Variants in MEGF11 observed in about 807,000 individuals in gnomAD.
MEGF11 encodes multiple EGF like domains 11.
A neutral mutation model predicts 146.6 loss-of-function variants in MEGF11; 126 were observed. That is an observed-to-expected ratio of 0.86 (90% CI 0.74 to 1.00). MEGF11 has a LOEUF of 1.00. MEGF11 is among the 50% of genes least tolerant of loss of function. The pLI is 0.00. For synonymous variants in MEGF11, 532 were observed against 583.4 expected, an observed-to-expected ratio of 0.91 and a Z score of 1.27; for missense variants, 1,509 against 1,521.2, an observed-to-expected ratio of 0.99 and a Z score of 0.13.
intron 1 of MEGF11, among the ~76,000 whole-genome samples, chr15:66,242,580 G>T (rs2092231870): frequency 6.6e-6 from 1 of 152,038 alleles, no homozygotes; most frequent in Non-Finnish European, 1.5e-5. Flanking sequence ...GGAAAAGGAG[G>T]TCCAAAGATG....
At chr15:66,044,862 A>G (rs2084137557) in intron 5 of MEGF11, among the ~76,000 whole-genome samples, 1 of 149,646 alleles carries the variant, frequency 6.7e-6, no homozygotes, top group African/African-American at 2.5e-5. Flanking sequence ...AAAAAAAAAA[A>G]AAAAAAAAAA....
chr15:65,950,584 G>GACACACACACACACACACAC (rs57977250), intron 10 of MEGF11, among the ~76,000 whole-genome samples: 1 of 148,824 alleles, frequency 6.7e-6, no homozygotes, highest in African/African-American at 2.5e-5. Context: ...TAGACACACA[G>GACACACACACACACACACAC]ACACACACAC....
At chr15:66,226,402 C>T (rs541548400) in intron 1 of MEGF11, among the ~76,000 whole-genome samples, 4 of 152,154 alleles carry the variant, frequency 2.6e-5, no homozygotes, top group Admixed American at 6.5e-5. Context: ...CGTGTGCCAC[C>T]ACGCCTGGCT....
At chr15:65,904,846 G>C (rs1025118753) in intron 24 of MEGF11, among the ~76,000 whole-genome samples, 1 of 152,206 alleles carries the variant, frequency 6.6e-6, no homozygotes, top group South Asian at 2.1e-4. Flanking sequence ...CTGGTACACT[G>C]TTAGATTTAG....
intron 1 of MEGF11, among the ~76,000 whole-genome samples, chr15:66,248,997 T>G (rs1052795760): frequency 6.6e-6 from 1 of 152,232 alleles, no homozygotes; most frequent in Non-Finnish European, 1.5e-5. Flanking sequence ...TTCTTTTCTT[T>G]TGGGTCTAAT....
intron 3 of MEGF11, among the ~76,000 whole-genome samples, chr15:66,120,644 G>A (rs774440241): frequency 3.9e-5 from 6 of 152,216 alleles, no homozygotes; most frequent in South Asian, 2.1e-4. Context: ...TGGGAATGTC[G>A]TAAGCTAAGG....
Position 65,970,609 on chromosome 15 carries a change from C to A in MEGF11, c.843G>T (p.Gly281=). The A allele has an allele frequency of 6.2e-7, 1 of 1,613,962 alleles. No homozygotes were observed. Among genetic ancestry groups the A allele is most frequent in the Non-Finnish European group, 8.5e-7 (1 of 1,179,864 alleles). ...ACTGTCCAGTCACGTGGTCACACTG[C>A]CCTCCATGGTGGCAAGGACAATCCT... ...CSQDCPCHHG[G]QCDHVTGQCH... Residue 281 remains glycine (G), a synonymous_variant, in exon 8 of 26, where the codon GGG becomes GGT. Transcript: ENST00000395614.
chr15:66,246,692 T>A (rs2092300786), intron 1 of MEGF11, among the ~76,000 whole-genome samples: 1 of 151,964 alleles, frequency 6.6e-6, no homozygotes, highest in Non-Finnish European at 1.5e-5. Flanking sequence ...ACACCTGTAG[T>A]CCCAGCTACT....
intron 1 of MEGF11, among the ~76,000 whole-genome samples, chr15:66,152,859 T>C (rs1191232134): frequency 6.6e-6 from 1 of 152,214 alleles, no homozygotes; most frequent in East Asian, 1.9e-4. Context: ...GGACCGGGCA[T>C]GGGAGGGTAT....
Position 66,177,494 on chromosome 15 carries a change from A to T in MEGF11, c.-8-49083T>A, listed in dbSNP as rs570304143. On this transcript the variant is annotated intron_variant, in intron 1 of 25. Transcript: ENST00000395614. ...CTTTCTCCTCCGATGTCACATATTC[A>T]ATAATTCCTCTCCTCTGGTTCCAGG... is the stretch of plus-strand genomic sequence containing the variant. Among the ~76,000 whole-genome samples the T allele has an allele frequency of 2.6e-5, 4 of 152,180 alleles. 1 individual carries two copies. The South Asian group carries it at 8.3e-4, about 32-fold the overall frequency.
chr15:66,024,037 G>A (rs1197980727), intron 5 of MEGF11, among the ~76,000 whole-genome samples: 1 of 152,196 alleles, frequency 6.6e-6, no homozygotes, highest in Non-Finnish European at 1.5e-5. Flanking sequence ...GAAACCAGGT[G>A]GGTGGGCTGA....
At chr15:65,916,633 C>T (rs1051005318) in intron 17 of MEGF11, 195 bp downstream of exon 17, 9 of 1,013,866 alleles carry the variant, frequency 8.9e-6, no homozygotes, top group African/African-American at 1.6e-5. Context: ...TTGGGCTTGT[C>T]AATCCCCTGA....
At chr15:66,215,717 A>C (rs149716014) in intron 1 of MEGF11, among the ~76,000 whole-genome samples, 23 of 152,290 alleles carry the variant, frequency 1.5e-4, no homozygotes, top group Non-Finnish European at 2.9e-4. Context: ...GGGTTGGGAT[A>C]AACAGTTCAG....
intron 1 of MEGF11, among the ~76,000 whole-genome samples, chr15:66,207,087 C>T (rs1373640452): frequency 6.6e-6 from 1 of 151,954 alleles, no homozygotes; most frequent in Non-Finnish European, 1.5e-5. Context: ...TCAATACACA[C>T]ATAATGGGAG....
chr15:65,913,241 C>T (rs1489212845), intron 20 of MEGF11, among the ~76,000 whole-genome samples: 1 of 152,156 alleles, frequency 6.6e-6, no homozygotes, highest in Non-Finnish European at 1.5e-5. Context: ...TTTCAGACCT[C>T]CCAAGTCAGG....
At chr15:65,992,421 A>C (rs1227164296) in intron 5 of MEGF11, among the ~76,000 whole-genome samples, 1 of 124,422 alleles carries the variant, frequency 8.0e-6, no homozygotes, top group Non-Finnish European at 1.6e-5. Flanking sequence ...AAATGCAAAC[A>C]ACCCCGTTTG....
intron 5 of MEGF11, among the ~76,000 whole-genome samples, chr15:66,055,745 C>A (rs987810118): frequency 6.6e-6 from 1 of 152,170 alleles, no homozygotes; most frequent in African/African-American, 2.4e-5. Context: ...GTTATTAAAT[C>A]ACAATGGTGG....
chr15:66,019,126 G>A (rs548081837), intron 5 of MEGF11, among the ~76,000 whole-genome samples: 1 of 152,292 alleles, frequency 6.6e-6, no homozygotes, highest in East Asian at 1.9e-4. Flanking sequence ...AAGAAAGAGG[G>A]GAGGGTGCAG....
At chr15:65,950,452 C>G (rs2080358798) in intron 10 of MEGF11, among the ~76,000 whole-genome samples, 1 of 152,058 alleles carries the variant, frequency 6.6e-6, no homozygotes. Context: ...ATGGCGTGCA[C>G]CTGTAGACCC....
Sources: allele counts gnomAD v4.1 joint callset (sites outside exome capture counted in the v4.1 genomes callset), GRCh38; gene constraint gnomAD v4.1.1; transcripts MANE v1.5; gene names NCBI Gene and HGNC (gene_info 2026-07-23, HGNC 2026-07-21).